Variants in PCBP3 observed in about 807,000 individuals in gnomAD.
PCBP3 encodes the protein poly(rC)-binding protein 3.
In PCBP3, 25 loss-of-function variants were observed where a neutral mutation model predicts 52.7. That is an observed-to-expected ratio of 0.47 (90% confidence interval 0.35 to 0.66). PCBP3 has a LOEUF of 0.66. Among genes scored for constraint, PCBP3 ranks in the 30% least tolerant of loss-of-function variants. The pLI is 0.01. For missense variants in PCBP3, 391 were observed against 490.3 expected (o/e 0.80, Z 1.91); for synonymous variants, 162 against 183.0 (o/e 0.89, Z 0.93).
intron 13 of PCBP3, among the ~76,000 whole-genome samples, chr21:45,929,171 T>C (rs1365471330): frequency 6.6e-6 from 1 of 152,162 alleles, no homozygotes; most frequent in African/African-American, 2.4e-5. Flanking sequence ...CCTTGAAAAG[T>C]CTTGTGGCCC....
intron 4 of PCBP3, among the ~76,000 whole-genome samples, chr21:45,774,962 G>A (rs2090146468): frequency 6.6e-6 from 1 of 152,144 alleles, no homozygotes; most frequent in African/African-American, 2.4e-5. Flanking sequence ...AGGGATATTG[G>A]CCTGTAGTTT....
rs75871936 is a variant in PCBP3, at chr21:45,704,330, G to A, written c.-199-31062G>A. On this transcript the variant is annotated intron_variant, in intron 2 of 17. Coordinates refer to ENST00000681687, the MANE Select transcript of PCBP3 (RefSeq NM_001384156.1). The surrounding 1 kb of genome is among the most constrained non-coding windows in gnomAD (Gnocchi z 4.1). ...CTCAGGAATGAGGGGAGTTGACATA[G>A]TTTGTCTGCAGAAAGGAGTAAGGAA... is the stretch of plus-strand genomic sequence containing the variant. 0.021 allele frequency among the ~76,000 whole-genome samples: 3,130 copies of A among 152,276 alleles called. 116 individuals carry two copies. Among genetic ancestry groups the A allele is most frequent in the African/African-American group, 0.072 (2,978 of 41,538 alleles).
intron 2 of PCBP3, among the ~76,000 whole-genome samples, chr21:45,684,328 C>A (rs574151205): frequency 4.1e-4 from 63 of 152,218 alleles, no homozygotes; most frequent in African/African-American, 1.3e-3. Flanking sequence ...CTGATGGTGC[C>A]ATTGGTAAGG....
At chr21:45,810,293 G>T (rs2092648328) in intron 4 of PCBP3, among the ~76,000 whole-genome samples, 1 of 151,474 alleles carries the variant, frequency 6.6e-6, no homozygotes, top group Admixed American at 6.6e-5. Flanking sequence ...AGGCTGGAGT[G>T]CAGTGGCACG....
Position 45,942,252 on chromosome 21 carries a change from T to G in PCBP3, c.*546T>G, listed in dbSNP as rs73384462. 1,257 of 151,886 alleles carry G rather than the reference T, an allele frequency of 8.3e-3. 19 individuals are homozygous for G. Among genetic ancestry groups the G allele is most frequent in the African/African-American group, 0.029 (1,191 of 41,366 alleles). 9.4% of individuals were successfully genotyped at this position (151,886 alleles called of 1,614,324 possible). A position where few individuals can be genotyped will look rare whatever the true frequency, so the allele number is the denominator to read the frequency against. On this transcript the variant is annotated 3_prime_UTR_variant, in exon 18 of 18. Coordinates refer to ENST00000681687, the MANE Select transcript of PCBP3 (RefSeq NM_001384156.1). ...CATGGGGAGCGCCAGGAGAGGAGGG[T>G]CATGGAGGATGTTGGGGCTCTGACC...
rs2095390037 is a variant in PCBP3 at position 45,880,986 on chromosome 21, C to T, written c.11-15222C>T. Among the ~76,000 whole-genome samples the T allele has an allele frequency of 6.6e-6, 1 of 152,216 alleles. No individual in the cohort carries two copies. Among genetic ancestry groups the T allele is most frequent in the African/African-American group, 2.4e-5 (1 of 41,454 alleles). ...AGCTCACTGGCAGCGTCAGGCAGCT[C>T]ATGCCCAGCCAAGTGCTCCTGAGTG... On this transcript the variant is annotated intron_variant, in intron 5 of 17. Coordinates refer to ENST00000681687, the MANE Select transcript of PCBP3 (RefSeq NM_001384156.1). This position sits in a 1 kb window ranked among gnomAD's most constrained non-coding sequence, Gnocchi z 5.4.
chr21:45,923,378 A>G (rs531919633), intron 13 of PCBP3, among the ~76,000 whole-genome samples: 2 of 152,312 alleles, frequency 1.3e-5, no homozygotes, highest in Admixed American at 1.3e-4. Context: ...ACCTGCTGTC[A>G]GAGCTGTGCT....
intron 13 of PCBP3, among the ~76,000 whole-genome samples, chr21:45,919,943 C>T (rs781208523): frequency 6.6e-6 from 1 of 152,192 alleles, no homozygotes; most frequent in Non-Finnish European, 1.5e-5. Flanking sequence ...AGATGGAAGC[C>T]AGGGGAGTCA....
chr21:45,814,839 A>G (rs111213136), intron 4 of PCBP3, among the ~76,000 whole-genome samples: 55,577 of 76,850 alleles, frequency 0.72, 19,224 homozygotes, highest in African/African-American at 0.87. Flanking sequence ...TGAGTGGTGA[A>G]TGATGAGTGA....
intron 9 of PCBP3, among the ~76,000 whole-genome samples, chr21:45,909,092 C>T (rs148947541): frequency 2.6e-5 from 4 of 151,912 alleles, no homozygotes; most frequent in Admixed American, 2.0e-4. Context: ...CAGGTCTCCA[C>T]GACCAAGGCC....
chr21:45,916,885 AG>A (rs2149333356), intron 12 of PCBP3: 1 of 152,386 alleles, frequency 6.6e-6, no homozygotes, highest in Non-Finnish European at 1.5e-5. Flanking sequence ...CCTGTGGGGC[AG>A]GTGGGGCCTC....
intron 2 of PCBP3, among the ~76,000 whole-genome samples, chr21:45,670,870 CTGTG>C (rs2081125580): frequency 6.6e-6 from 1 of 152,206 alleles, no homozygotes; most frequent in South Asian, 2.1e-4. Context: ...CAGGTTTCCT[CTGTG>C]TGGTGATTCG....
At chr21:45,913,806 C>A (rs2096451963) in intron 11 of PCBP3, 145 bp from the exon 12 acceptor site, 2 of 718,378 alleles carry the variant, frequency 2.8e-6, no homozygotes, top group Admixed American at 2.5e-5. Flanking sequence ...TCCCCTCCCC[C>A]AGCACTGCTG....
intron 4 of PCBP3, among the ~76,000 whole-genome samples, chr21:45,843,255 C>A (rs1262731280): frequency 1.4e-5 from 2 of 147,414 alleles, no homozygotes; most frequent in Non-Finnish European, 2.9e-5. Flanking sequence ...TGTCCAGAAC[C>A]AGAAGGCATG....
chr21:45,931,999 A>G (rs2076268491), intron 15 of PCBP3, among the ~76,000 whole-genome samples: 2 of 151,938 alleles, frequency 1.3e-5, no homozygotes, highest in South Asian at 2.1e-4. Flanking sequence ...CTGTCCCGAG[A>G]TGAATGAACA....
At chr21:45,911,889 T>A (rs2096401919) in intron 11 of PCBP3, among the ~76,000 whole-genome samples, 1 of 152,242 alleles carries the variant, frequency 6.6e-6, no homozygotes, top group Non-Finnish European at 1.5e-5. Flanking sequence ...AATATTCTTG[T>A]TCTGAAATCT....
intron 4 of PCBP3, among the ~76,000 whole-genome samples, chr21:45,836,884 A>C (rs1376042841): frequency 6.6e-6 from 1 of 152,082 alleles, no homozygotes; most frequent in Non-Finnish European, 1.5e-5. Flanking sequence ...GCAGAGCTGC[A>C]GTTTGTGTGC....
intron 4 of PCBP3, among the ~76,000 whole-genome samples, chr21:45,801,181 C>T (rs1221592820): frequency 1.3e-5 from 2 of 152,256 alleles, no homozygotes; most frequent in African/African-American, 4.8e-5. Flanking sequence ...AGGTCACATC[C>T]ACTTCCCTGT....
At chr21:45,722,568 C>T (rs1044770312) in intron 2 of PCBP3, among the ~76,000 whole-genome samples, 3 of 151,910 alleles carry the variant, frequency 2.0e-5, no homozygotes, top group Non-Finnish European at 4.4e-5. Context: ...TTTTCATAGA[C>T]AAATTTCTTT....
Sources: allele counts gnomAD v4.1 joint callset (sites outside exome capture counted in the v4.1 genomes callset), GRCh38; gene constraint gnomAD v4.1.1; non-coding constraint Gnocchi (gnomAD v3.1); transcripts MANE v1.5; gene names NCBI Gene and HGNC (gene_info 2026-07-23, HGNC 2026-07-21).